Variants in GALNT2 observed in about 807,000 individuals in gnomAD.
The protein encoded by GALNT2 is polypeptide N-acetylgalactosaminyltransferase 2.
A neutral mutation model predicts 81.4 loss-of-function variants in GALNT2; 31 were observed. That is an observed-to-expected ratio of 0.38 (90% CI 0.29 to 0.51). The LOEUF is 0.51. Ranked by LOEUF, GALNT2 falls within the 20% of genes least tolerant of loss-of-function variation. The pLI is 0.87. For synonymous variants in GALNT2, 303 were observed against 287.4 expected, an observed-to-expected ratio of 1.05 and a Z score of -0.55; for missense variants, 629 against 765.7, an observed-to-expected ratio of 0.82 and a Z score of 2.11.
chr1:230,158,957 A>G lies in GALNT2; in HGVS notation c.127-19261A>G, dbSNP rs1259778260. Among the ~76,000 whole-genome samples, 2 of 152,208 alleles carry G rather than the reference A, an allele frequency of 1.3e-5. 1 individual carries two copies. ...CAGCCCCCATGCCGCTTTGGATTTC[A>G]GTGGCCTCTGCAGCAATTTATTATT... On this transcript the variant is annotated intron_variant, in intron 1 of 15. Coordinates refer to ENST00000366672, the MANE Select transcript of GALNT2 (RefSeq NM_004481.5).
chr1:230,187,830 G>A (rs1041978228), intron 2 of GALNT2, among the ~76,000 whole-genome samples: 1 of 152,128 alleles, frequency 6.6e-6, no homozygotes, highest in Non-Finnish European at 1.5e-5. Context: ...CCAAAGTCCT[G>A]CTGTCAAGCT....
At position 230,274,560 on chromosome 1, in the gene GALNT2, G is replaced by A. The variant is rs1159628708; in HGVS notation, c.1556G>A (p.Arg519Lys). The change falls in exon 15 of 16, where the codon AGA becomes AAA. Residue 519 changes from arginine (R) to lysine (K), a missense_variant. By Grantham distance (26) the Arg-to-Lys change is conservative. Coordinates refer to ENST00000366672, the MANE Select transcript of GALNT2 (RefSeq NM_004481.5). The stretch of plus-strand genomic sequence containing the variant: ...CAGGGCTGCCGAGAAAATGACAGCA[G>A]ACAGGTACGGCTTGCAGGCACCCGT... ...KLQGCRENDS[R>K]QKWEQIEGNS... is the part of the protein sequence containing the mutation. 1.9e-6 allele frequency: 3 copies of A among 1,613,854 alleles called. No homozygotes were observed. In the East Asian group the frequency reaches 6.7e-5, roughly 36 times the overall value.
intron 1 of GALNT2, among the ~76,000 whole-genome samples, chr1:230,161,544 G>A (rs1662438353): frequency 1.3e-5 from 2 of 152,204 alleles, no homozygotes; most frequent in African/African-American, 4.8e-5. Flanking sequence ...GCACATTTTG[G>A]AATCTAGCAG....
chr1:230,205,965 C>A (rs921444655), intron 3 of GALNT2, among the ~76,000 whole-genome samples: 1 of 152,130 alleles, frequency 6.6e-6, no homozygotes, highest in African/African-American at 2.4e-5. Context: ...AGAAAGCGTC[C>A]GTGTAGCTTT....
At chr1:230,064,549 C>G (rs1188150389), upstream of GALNT2, among the ~76,000 whole-genome samples, 3 of 152,186 alleles carry the variant, frequency 2.0e-5, no homozygotes, top group Non-Finnish European at 4.4e-5. Flanking sequence ...GTCATGGAGT[C>G]TCGCTCTGTC....
At chr1:230,190,734 G>A (rs957123481) in intron 2 of GALNT2, among the ~76,000 whole-genome samples, 3 of 152,006 alleles carry the variant, frequency 2.0e-5, no homozygotes, top group Non-Finnish European at 4.4e-5. Flanking sequence ...GCACTGTGGT[G>A]TACCATCTCT....
At chr1:230,107,049 A>G (rs1388977688) in intron 1 of GALNT2, among the ~76,000 whole-genome samples, 2 of 152,224 alleles carry the variant, frequency 1.3e-5, no homozygotes, top group Admixed American at 1.3e-4. Flanking sequence ...GCTAGACTGC[A>G]GTGCAGAGGA....
intron 2 of GALNT2, among the ~76,000 whole-genome samples, chr1:230,179,696 G>A (rs925117180): frequency 6.6e-6 from 1 of 152,004 alleles, no homozygotes. Context: ...TAGGATAATC[G>A]TCCTTTATCA....
At chr1:230,134,113 T>G (rs1451857344) in intron 1 of GALNT2, among the ~76,000 whole-genome samples, 1 of 109,638 alleles carries the variant, frequency 9.1e-6, no homozygotes, top group Non-Finnish European at 1.9e-5. Context: ...CCTGAATCTG[T>G]TTTTTTTTTT....
chr1:230,209,283 C>T (rs1021191214), intron 3 of GALNT2, among the ~76,000 whole-genome samples: 3 of 152,012 alleles, frequency 2.0e-5, no homozygotes, highest in African/African-American at 7.3e-5. Context: ...AGTCCCAAAC[C>T]CCAGAGTGAC....
At chr1:230,166,989 G>A (rs915068541) in intron 1 of GALNT2, among the ~76,000 whole-genome samples, 1 of 152,156 alleles carries the variant, frequency 6.6e-6, no homozygotes, top group Non-Finnish European at 1.5e-5. Flanking sequence ...ACTCTGTAAT[G>A]ATTTGTGATG....
intron 1 of GALNT2, among the ~76,000 whole-genome samples, chr1:230,112,270 G>A (rs1660725122): frequency 1.3e-5 from 2 of 151,650 alleles, no homozygotes; most frequent in Admixed American, 1.3e-4. Context: ...TGAGAAAACA[G>A]ATTAGCTTAG....
Position 230,222,031 on chromosome 1 carries a change from C to CTTTTTTTT in GALNT2, c.375-13977_375-13970dup, listed in dbSNP as rs564681409. Among the ~76,000 whole-genome samples the CTTTTTTTT allele has an allele frequency of 1.4e-4, 13 of 96,120 alleles. 4 individuals are homozygous for CTTTTTTTT. The highest frequency in any genetic ancestry group is 4.6e-4 in the African/African-American group (9 of 19,556). The allele number at this position is 96,120 out of a possible 152,430, so 63.1% of individuals were successfully genotyped here. On this transcript the variant is annotated intron_variant, in intron 3 of 15. Transcript: ENST00000366672. Reference sequence around the variant, plus strand: ...TTTATATACATTTCACTGCTTTTCTCTTTTTTTTTTTTTGAGACAGAGTCT... The same window carrying CTTTTTTTT: ...TTTATATACATTTCACTGCTTTTCTCTTTTTTTTTTTTTTTTTTTTTGAGACAGAGTCT...
At chr1:230,184,439 T>C (rs1470925072) in intron 2 of GALNT2, among the ~76,000 whole-genome samples, 1 of 152,070 alleles carries the variant, frequency 6.6e-6, no homozygotes, top group Non-Finnish European at 1.5e-5. Flanking sequence ...TCCACCCACC[T>C]TGGCCTCTCA....
chr1:230,221,629 G>A (rs1012760875), intron 3 of GALNT2, among the ~76,000 whole-genome samples: 2 of 152,140 alleles, frequency 1.3e-5, no homozygotes, highest in Non-Finnish European at 2.9e-5. Context: ...AATTTCTTTA[G>A]ATGCTTCAGA....
In GALNT2 at chr1:230,222,031, C is replaced by CTCTTTTTTTTTTTTTTT. The variant is rs1553270493; in HGVS notation, c.375-13982_375-13981insCTTTTTTTTTTTTTTTT. Among the ~76,000 whole-genome samples the CTCTTTTTTTTTTTTTTT allele has an allele frequency of 1.3e-3, 126 of 96,110 alleles. 3 individuals carry two copies. The highest frequency in any genetic ancestry group is 6.0e-3 in the African/African-American group (118 of 19,554). 63.1% of individuals were successfully genotyped at this position (96,110 alleles called of 152,430 possible). On this transcript the variant is annotated intron_variant, in intron 3 of 15. Transcript: ENST00000366672. ...TTTATATACATTTCACTGCTTTTCT[C>CTCTTTTTTTTTTTTTTT]TTTTTTTTTTTTTGAGACAGAGTCT...
intron 1 of GALNT2, among the ~76,000 whole-genome samples, chr1:230,158,033 G>A (rs72760071): frequency 0.19 from 28,246 of 152,076 alleles, 2,676 homozygotes; most frequent in African/African-American, 0.21. Flanking sequence ...GAAGTGAGAA[G>A]GATCTTGTTG....
At chr1:230,077,663 A>G (rs1042387772) in intron 1 of GALNT2, among the ~76,000 whole-genome samples, 20 of 152,136 alleles carry the variant, frequency 1.3e-4, no homozygotes, top group Non-Finnish European at 1.9e-4. Context: ...ACTCTGAGTC[A>G]CTTTTTGACT....
At chr1:230,120,645 G>A (rs972679077) in intron 1 of GALNT2, among the ~76,000 whole-genome samples, 2 of 152,178 alleles carry the variant, frequency 1.3e-5, no homozygotes, top group African/African-American at 4.8e-5. Context: ...AGGACTCAGG[G>A]ACGCACAGCT....
Sources: gnomAD v4.1 joint callset for allele counts (sites outside exome capture counted in the v4.1 genomes callset) on GRCh38, gnomAD v4.1.1 for gene constraint, MANE v1.5 for transcripts, NCBI Gene and HGNC (gene_info 2026-07-23, HGNC 2026-07-21) for gene names.